The following DDX4 variants were observed in gnomAD, a reference collection of about 807,000 sequenced individuals.
The protein encoded by DDX4 is probable ATP-dependent RNA helicase DDX4.
A neutral mutation model predicts 100.0 loss-of-function variants in DDX4; 25 were observed. That is an observed-to-expected ratio of 0.25 (90% confidence interval 0.18 to 0.35). The LOEUF is 0.35. Ranked by LOEUF, DDX4 falls within the 10% of genes least tolerant of loss-of-function variation. The pLI is 1.00. For synonymous variants in DDX4, 259 were observed against 275.7 expected (o/e 0.94, Z 0.60); for missense variants, 635 against 882.4 (o/e 0.72, Z 3.55).
intron 2 of DDX4, 62 bp downstream of exon 2, chr5:55,739,094 G>A (rs1758845169): frequency 2.1e-6 from 2 of 975,006 alleles, no homozygotes; most frequent in South Asian, 2.7e-5. Context: ...GAAAATCACT[G>A]TGGTGAGAGT....
At chr5:55,785,545 T>C in intron 12 of DDX4, 51 bp downstream of exon 12, 51 of 1,422,320 alleles carry the variant, frequency 3.6e-5, no homozygotes, top group Non-Finnish European at 4.8e-5. Flanking sequence ...GTTTTAATAA[T>C]GCTTAAGTAT....
chr5:55,760,388 T>C (rs1467642751), intron 4 of DDX4, 111 bp downstream of exon 4: 1 of 1,106,634 alleles, frequency 9.0e-7, no homozygotes, highest in Non-Finnish European at 1.2e-6. Context: ...CAGTGTGTAG[T>C]AGACTTGGTG....
intron 17 of DDX4, among the ~76,000 whole-genome samples, chr5:55,794,350 G>T (rs1483897755): frequency 6.7e-6 from 1 of 149,428 alleles, no homozygotes; most frequent in Non-Finnish European, 1.5e-5. Flanking sequence ...ACCACGCCTG[G>T]TTAATTTTTT....
chr5:55,752,872 C>G (rs1327635159), intron 3 of DDX4, among the ~76,000 whole-genome samples: 1 of 149,866 alleles, frequency 6.7e-6, no homozygotes, highest in Admixed American at 6.7e-5. Flanking sequence ...GAATGATTGC[C>G]ATTCTAACTG....
chr5:55,805,496 C>A (rs1413799665), intron 18 of DDX4, among the ~76,000 whole-genome samples: 2 of 151,758 alleles, frequency 1.3e-5, no homozygotes, highest in African/African-American at 4.9e-5. Flanking sequence ...GAAATACGTC[C>A]CATCAATACC....
At chr5:55,814,102 T>A (rs775952089) in intron 19 of DDX4, among the ~76,000 whole-genome samples, 32 of 152,210 alleles carry the variant, frequency 2.1e-4, no homozygotes, top group Admixed American at 1.7e-3. Context: ...CTTTGCTAAA[T>A]CTAATCTTTC....
At chr5:55,763,084 T>C in intron 4 of DDX4, 91 bp from the exon 5 acceptor site, 1 of 857,962 alleles carries the variant, frequency 1.2e-6, no homozygotes, top group East Asian at 2.5e-5. Context: ...TGGAAGTCTC[T>C]TTACGCCAGA....
At chr5:55,800,323 A>AT (rs1271365509) in intron 18 of DDX4, among the ~76,000 whole-genome samples, 18 of 147,678 alleles carry the variant, frequency 1.2e-4, no homozygotes, top group African/African-American at 4.4e-4. Flanking sequence ...AGTCACCTTA[A>AT]GTTTTTTTTT....
chr5:55,749,397 A>C (rs754904443), intron 3 of DDX4, among the ~76,000 whole-genome samples: 1 of 152,082 alleles, frequency 6.6e-6, no homozygotes, highest in Non-Finnish European at 1.5e-5. Context: ...ACACTACTGC[A>C]CTCCAGCAGG....
intron 9 of DDX4, among the ~76,000 whole-genome samples, chr5:55,781,347 C>T (rs1038035987): frequency 6.6e-6 from 1 of 152,142 alleles, no homozygotes; most frequent in Admixed American, 6.5e-5. Flanking sequence ...TCTGTGTTAT[C>T]TACCAGTTAA....
chr5:55,771,227 TC>T (rs1741235804), intron 7 of DDX4, among the ~76,000 whole-genome samples: 1 of 152,136 alleles, frequency 6.6e-6, no homozygotes, highest in Non-Finnish European at 1.5e-5. Context: ...TTCAGTGTGT[TC>T]ACCAGCATTC....
At position 55,790,598 on chromosome 5, in the gene DDX4, A is replaced by G. The variant is rs1269065582; in HGVS notation, c.1195A>G (p.Ile399Val). ...SFGTCVRAVV[I>V]YGGTQLGHSI... ...TAGGACTTGTGTAAGAGCTGTTGTT[A>G]TATATGGGGGAACCCAGCTGGGACA... Residue 399 changes from isoleucine (I) to valine (V), a missense_variant, in exon 16 of 22, where the codon ATA (isoleucine) becomes GTA (valine). Physicochemically the swap from Ile to Val is conservative, Grantham distance 29. This residue lies in a region of DDX4 where 446 missense variants were observed against 540.8 expected (regional missense o/e 0.82). Transcript: ENST00000505374. 6.3e-7 allele frequency: 1 copy of G among 1,597,860 alleles called. No individual in the cohort carries two copies. Among genetic ancestry groups the G allele is most frequent in the Admixed American group, 1.7e-5 (1 of 59,970 alleles).
chr5:55,782,012 G>A (rs1193633398), intron 10 of DDX4, 31 bp downstream of exon 10: 1 of 1,612,070 alleles, frequency 6.2e-7, no homozygotes, highest in Non-Finnish European at 8.5e-7. Context: ...CCCGAAAGAA[G>A]TTAAAATCAT....
At chr5:55,797,991 T>C (rs72761935) in intron 17 of DDX4, among the ~76,000 whole-genome samples, 8,663 of 152,278 alleles carry the variant, frequency 0.057, 337 homozygotes, top group African/African-American at 0.11. Context: ...ATAGGTAATA[T>C]TTTCAGAAAA....
chr5:55,796,895 T>C (rs763059657), intron 17 of DDX4, among the ~76,000 whole-genome samples: 1 of 138,328 alleles, frequency 7.2e-6, no homozygotes, highest in Non-Finnish European at 1.5e-5. Context: ...AGGCTGAAGT[T>C]CAGAGGCACA....
At chr5:55,806,230 C>G (rs1486440908) in intron 18 of DDX4, among the ~76,000 whole-genome samples, 1 of 152,004 alleles carries the variant, frequency 6.6e-6, no homozygotes, top group African/African-American at 2.4e-5. Flanking sequence ...CTTTATTAGT[C>G]TTGCTAGCAG....
intron 15 of DDX4, among the ~76,000 whole-genome samples, chr5:55,789,237 G>A (rs1217679005): frequency 6.6e-6 from 1 of 152,200 alleles, no homozygotes; most frequent in African/African-American, 2.4e-5. Flanking sequence ...AGTTATCGCT[G>A]CCTAACAAAC....
intron 16 of DDX4, among the ~76,000 whole-genome samples, chr5:55,792,123 C>CAAAAA (rs35635463): frequency 2.1e-4 from 11 of 52,060 alleles, no homozygotes; most frequent in Non-Finnish European, 2.7e-4. Flanking sequence ...GACTCCTTCT[C>CAAAAA]AAAAAAAAAA....
chr5:55,761,252 T>C (rs770356637), intron 4 of DDX4, among the ~76,000 whole-genome samples: 23 of 152,278 alleles, frequency 1.5e-4, no homozygotes, highest in Non-Finnish European at 2.5e-4. Flanking sequence ...GAGATTCAGA[T>C]GAGATTTTGT....
Sources: allele counts gnomAD v4.1 joint callset (sites outside exome capture counted in the v4.1 genomes callset), GRCh38; gene constraint gnomAD v4.1.1; regional missense constraint gnomAD v4.1.1; transcripts MANE v1.5; gene names NCBI Gene and HGNC (gene_info 2026-07-23, HGNC 2026-07-21).